IGSF3: variants seen among roughly 807,000 people sequenced by gnomAD.
IGSF3 encodes the protein immunoglobulin superfamily member 3, also known as glu-Trp-Ile EWI motif-containing protein 3.
In IGSF3, 23 loss-of-function variants were observed where a neutral mutation model predicts 114.4. That is an observed-to-expected ratio of 0.20 (90% confidence interval 0.14 to 0.28). The LOEUF (loss-of-function observed/expected upper bound fraction) is 0.28. IGSF3 is among the 10% of genes least tolerant of loss of function. The pLI, the probability that IGSF3 is intolerant of heterozygous loss-of-function variation, is 1.00. For missense variants in IGSF3, 1,172 were observed against 1,591.5 expected (o/e 0.74, Z 4.48); for synonymous variants, 571 against 645.2 (o/e 0.88, Z 1.74).
chr1:116,658,527 C>A (rs1276379190), intron 2 of IGSF3, among the ~76,000 whole-genome samples: 1 of 152,138 alleles, frequency 6.6e-6, no homozygotes, highest in African/African-American at 2.4e-5. Flanking sequence ...AGCCCAGATA[C>A]CCAGTCCTCA....
chr1:116,604,666 C>T (rs1469353963), intron 5 of IGSF3, among the ~76,000 whole-genome samples: 1 of 152,190 alleles, frequency 6.6e-6, no homozygotes, highest in African/African-American at 2.4e-5. Context: ...AAAACAAAGC[C>T]AGCAGCTCGT....
Position 116,584,960 on chromosome 1 carries a change from T to C in IGSF3, c.2533A>G (p.Ser845Gly), listed in dbSNP as rs1659762123. 6.2e-7 allele frequency: 1 copy of C among 1,611,024 alleles called. No homozygotes were observed. The highest frequency in any genetic ancestry group is 8.5e-7 in the Non-Finnish European group (1 of 1,177,566). Residue 845 changes from serine (S) to glycine (G), a missense_variant, in exon 9 of 11, where the codon AGC becomes GGC. Around this residue, in one of 3 missense-constraint regions of IGSF3, gnomAD observed 423 missense variants for 509.8 expected, o/e 0.83. Transcript: ENST00000369486. The surrounding 1 kb of genome is among the most constrained non-coding windows in gnomAD (Gnocchi z 5.8). ...QLECVVLNRTSITSQLMVEWF... is the reference protein window; with the variant it reads ...QLECVVLNRTGITSQLMVEWF... ...TCCACCATGAGCTGGGAGGTTATGC[T>C]GGTGCGGTTGAGAACCACACACTCC...
chr1:116,591,208 A>G (rs1263656955), intron 7 of IGSF3, among the ~76,000 whole-genome samples: 1 of 152,216 alleles, frequency 6.6e-6, no homozygotes, highest in African/African-American at 2.4e-5. Context: ...TTGCCAGTCG[A>G]CTTTTCAGAT....
intron 2 of IGSF3, among the ~76,000 whole-genome samples, chr1:116,620,704 C>A (rs571425323): frequency 2.0e-5 from 3 of 152,348 alleles, no homozygotes; most frequent in East Asian, 3.8e-4. Flanking sequence ...CAGCCACAGT[C>A]AACTCAGTCA....
intron 2 of IGSF3, chr1:116,646,806 A>C (rs1159937345): frequency 6.6e-6 from 1 of 152,252 alleles, no homozygotes; most frequent in Non-Finnish European, 1.5e-5. Flanking sequence ...AGTGATGCTA[A>C]CTTGCTAATG....
At position 116,584,663 on chromosome 1, in the gene IGSF3, G is replaced by A. The variant is rs781128018; in HGVS notation, c.2830C>T (p.Leu944=). 21 of 1,614,088 alleles carry A rather than the reference G, an allele frequency of 1.3e-5. No homozygotes were observed. The highest frequency in any genetic ancestry group is 6.7e-5 in the Admixed American group (4 of 60,012). Residue 944 remains leucine (L), a synonymous_variant, in exon 9 of 11, where the codon CTG becomes TTG. Coordinates refer to ENST00000369486, the MANE Select transcript of IGSF3 (RefSeq NM_001007237.3). This position sits in a 1 kb window ranked among gnomAD's most constrained non-coding sequence, Gnocchi z 5.8. The part of the protein sequence containing the change: ...RAEDTAGQTA[L]TVMRPDASLQ... The stretch of plus-strand genomic sequence containing the variant: ...CCCTCACCTGGTCGCATGACTGTCA[G>A]AGCTGTCTGCCCAGCGGTGTCCTCT...
intron 2 of IGSF3, among the ~76,000 whole-genome samples, chr1:116,640,461 C>T (rs1465614728): frequency 6.6e-6 from 1 of 152,182 alleles, no homozygotes; most frequent in Non-Finnish European, 1.5e-5. Context: ...CATTTTTATG[C>T]TTTTACTACC....
intron 2 of IGSF3, among the ~76,000 whole-genome samples, chr1:116,630,873 G>C (rs545917897): frequency 6.6e-6 from 1 of 152,188 alleles, no homozygotes; most frequent in Non-Finnish European, 1.5e-5. Flanking sequence ...AGAGCAGCTC[G>C]AATCTATGCA....
At position 116,603,713 on chromosome 1, in the gene IGSF3, T is replaced by A. The variant is rs771958977; in HGVS notation, c.1535A>T (p.His512Leu). 16 of 1,613,990 alleles carry A rather than the reference T, an allele frequency of 9.9e-6. No homozygotes were observed. The highest frequency in any genetic ancestry group is 1.7e-5 in the Admixed American group (1 of 60,020). Residue 512 changes from histidine to leucine, a missense_variant, in exon 6 of 11, where the codon CAT (histidine) becomes CTT (leucine). By Grantham distance (99) the His-to-Leu change is moderately conservative. This residue lies in a region of IGSF3 where 736 missense variants were observed against 1,042.0 expected (regional missense o/e 0.71). Transcript: ENST00000369486. This position sits in a 1 kb window ranked among gnomAD's most constrained non-coding sequence, Gnocchi z 7.1. ...RKEDEGQYEC[H>L]VTEWVRAVDG... Reference sequence around the variant, plus strand: ...CACTGCCCGCACCCATTCAGTCACATGGCATTCATACTGGCCCTCGTCCTC... The same window carrying A: ...CACTGCCCGCACCCATTCAGTCACAAGGCATTCATACTGGCCCTCGTCCTC...
rs551560182 is a variant in IGSF3 at position 116,618,228 on chromosome 1, A to C, written c.44-1771T>G. ...GCTTCAGCAGAATCAGGAAAAATAC[A>C]AAATTGGCAGGGGAAGGAAATAAAC... On this transcript the variant is annotated intron_variant, in intron 2 of 10. Transcript: ENST00000369486. The surrounding 1 kb of genome is among the most constrained non-coding windows in gnomAD (Gnocchi z 4.7). 7.8e-4 allele frequency among the ~76,000 whole-genome samples: 119 copies of C among 152,238 alleles called. No individual in the cohort carries two copies. The highest frequency in any genetic ancestry group is 1.5e-3 in the Non-Finnish European group (99 of 68,032).
rs1446898152 is a variant in IGSF3, at chr1:116,629,805, C to T, written c.44-13348G>A. Among the ~76,000 whole-genome samples the T allele has an allele frequency of 1.3e-5, 2 of 152,222 alleles. No individual in the cohort carries two copies. Among genetic ancestry groups the T allele is most frequent in the Non-Finnish European group, 2.9e-5 (2 of 68,034 alleles). On this transcript the variant is annotated intron_variant, in intron 2 of 10. Transcript: ENST00000369486. The surrounding 1 kb of genome is among the most constrained non-coding windows in gnomAD (Gnocchi z 4.3). ...TGTTTAGCCGCTTTCCTAAAAACTC[C>T]TATTTTCTGAGTTATTAAACTTTCC...
Position 116,575,245 on chromosome 1 carries a change from T to C in IGSF3, c.*2067A>G, listed in dbSNP as rs1659292572. 1 of 152,642 alleles carries C rather than the reference T, an allele frequency of 6.6e-6. No homozygotes were observed. The highest frequency in any genetic ancestry group is 1.5e-5 in the Non-Finnish European group (1 of 68,040). The allele number at this position is 152,642 out of a possible 1,614,324, so 9.5% of individuals were successfully genotyped here. A position where few individuals can be genotyped will look rare whatever the true frequency, so the allele number is the denominator to read the frequency against. On this transcript the variant is annotated 3_prime_UTR_variant, in exon 11 of 11. Transcript: ENST00000369486. The surrounding 1 kb of genome is among the most constrained non-coding windows in gnomAD (Gnocchi z 5.6). ...GCAAAAGACCTTCTTTTTTCATGAC[T>C]GAGCCGCTCCTGTACCTCTAATGTG...
At chr1:116,659,416 A>C (rs1649016858) in intron 2 of IGSF3, among the ~76,000 whole-genome samples, 2 of 151,994 alleles carry the variant, frequency 1.3e-5, no homozygotes, top group Admixed American at 6.6e-5. Context: ...GCAACATGTG[A>C]TTTTCCACAA....
intron 7 of IGSF3, among the ~76,000 whole-genome samples, chr1:116,590,691 C>T (rs1398512803): frequency 1.3e-5 from 2 of 152,108 alleles, no homozygotes; most frequent in African/African-American, 4.8e-5. Context: ...ACCCAGGACC[C>T]AGCCCACTGG....
rs967489013 is a variant in IGSF3, at chr1:116,665,923, C to A, written c.43+361G>T. Among the ~76,000 whole-genome samples the A allele has an allele frequency of 6.6e-6, 1 of 152,112 alleles. No homozygotes were observed. The highest frequency in any genetic ancestry group is 1.5e-5 in the Non-Finnish European group (1 of 68,014). On this transcript the variant is annotated intron_variant, in intron 2 of 10. Transcript: ENST00000369486. This position sits in a 1 kb window ranked among gnomAD's most constrained non-coding sequence, Gnocchi z 4.0. ...CACTCCCAATTAGGAATCAATGCAG[C>A]CCAACAAAGAAGTGAAAACACCAGA...
intron 2 of IGSF3, among the ~76,000 whole-genome samples, chr1:116,617,537 T>C (rs955408432): frequency 2.6e-5 from 4 of 152,208 alleles, no homozygotes; most frequent in East Asian, 1.9e-4. Flanking sequence ...ATCTATCACA[T>C]GATTTCTAAG....
intron 2 of IGSF3, chr1:116,617,329 C>T (rs2336249): frequency 8.1e-6 from 8 of 985,290 alleles, no homozygotes; most frequent in South Asian, 4.7e-5. Context: ...TCTCATTTCA[C>T]GCCAACTCAA....
At chr1:116,660,247 G>A (rs1042147067) in intron 2 of IGSF3, among the ~76,000 whole-genome samples, 3 of 152,074 alleles carry the variant, frequency 2.0e-5, no homozygotes, top group Admixed American at 2.0e-4. Context: ...ATCAAATCCT[G>A]ACCATTTCTG....
rs1038545114 is a variant in IGSF3 at position 116,598,230 on chromosome 1, C to T, written c.2029+1711G>A. Among the ~76,000 whole-genome samples the T allele has an allele frequency of 1.3e-5, 2 of 151,896 alleles. No homozygotes were observed. The highest frequency in any genetic ancestry group is 6.6e-5 in the Admixed American group (1 of 15,252). On this transcript the variant is annotated intron_variant, in intron 7 of 10. Transcript: ENST00000369486. This position sits in a 1 kb window ranked among gnomAD's most constrained non-coding sequence, Gnocchi z 4.3. ...GAACCATGTGATGGGCAATGCTGCT[C>T]AGAAAACTGACCTTGAGAGCCAGAG...
Sources: gnomAD v4.1 joint callset for allele counts (sites outside exome capture counted in the v4.1 genomes callset) on GRCh38, gnomAD v4.1.1 for gene constraint, gnomAD v4.1.1 regional missense constraint, Gnocchi (gnomAD v3.1) non-coding constraint, MANE v1.5 for transcripts, NCBI Gene and HGNC (gene_info 2026-07-23, HGNC 2026-07-21) for gene names.